The following CELF2 variants were observed in gnomAD, a reference collection of about 807,000 sequenced individuals.
CELF2 encodes CUGBP Elav-like family member 2.
In CELF2, 8 loss-of-function variants were observed where a neutral mutation model predicts 62.6. The ratio of observed to expected loss-of-function variants is 0.13; its 90% CI spans 0.07 to 0.23. The LOEUF (loss-of-function observed/expected upper bound fraction) is 0.23. Among genes scored for constraint, CELF2 ranks in the 10% least tolerant of loss-of-function variants. The pLI, the probability that CELF2 is intolerant of heterozygous loss-of-function variation, is 1.00. For synonymous variants in CELF2, 258 were observed against 250.0 expected (o/e 1.03, Z -0.30); for missense variants, 333 against 671.0 (o/e 0.50, Z 5.56).
In CELF2 at chr10:11,282,043, A is replaced by G. The variant is rs377339095; in HGVS notation, c.842-6375A>G. On this transcript the variant is annotated intron_variant, in intron 8 of 12. Coordinates refer to ENST00000633077, the MANE Select transcript of CELF2 (RefSeq NM_001326342.2). ...TGGTGGGGCGAGCAAGGCCACTCCCAGTGGATATGGGGACCTGGGGGGTAG... is the reference window on the plus strand; with the variant it reads ...TGGTGGGGCGAGCAAGGCCACTCCCGGTGGATATGGGGACCTGGGGGGTAG... 1.5e-3 allele frequency among the ~76,000 whole-genome samples: 226 copies of G among 152,264 alleles called. 6 individuals are homozygous for G. In the South Asian group the frequency reaches 0.045, roughly 30 times the overall value.
chr10:10,955,172 T>A (rs867365635), intron 2 of CELF2, among the ~76,000 whole-genome samples: 10 of 152,234 alleles, frequency 6.6e-5, no homozygotes, highest in African/African-American at 1.9e-4. Flanking sequence ...ATGTTATTGA[T>A]GAGAAAACAA....
At chr10:10,977,539 A>G (rs1162569907) in intron 2 of CELF2, among the ~76,000 whole-genome samples, 1 of 152,216 alleles carries the variant, frequency 6.6e-6, no homozygotes, top group African/African-American at 2.4e-5. Flanking sequence ...TCCTGGTGTG[A>G]AATGTACAAA....
the CELF2 span, among the ~76,000 whole-genome samples, chr10:10,622,462 G>GTT: frequency 0.019 from 2,874 of 149,086 alleles, 83 homozygotes; most frequent in African/African-American, 0.068. Flanking sequence ...ACATACATAC[G>GTT]TATGTGTGTG....
At position 11,311,775 on chromosome 10, in the gene CELF2, C is replaced by T. The variant is rs74618376; in HGVS notation, c.977-2364C>T. On this transcript the variant is annotated intron_variant, in intron 9 of 12. Coordinates refer to ENST00000633077, the MANE Select transcript of CELF2 (RefSeq NM_001326342.2). The surrounding 1 kb of genome is among the most constrained non-coding windows in gnomAD (Gnocchi z 4.7). ...ACAGATTTTGGAGATGATGCCCAAC[C>T]GAGAAACAGAATATGAGAGGTGAAG... Among the ~76,000 whole-genome samples the T allele has an allele frequency of 2.0e-5, 3 of 151,720 alleles. No individual in the cohort carries two copies. The highest frequency in any genetic ancestry group is 1.9e-4 in the East Asian group (1 of 5,158).
chr10:10,651,735 A>G, the CELF2 span, among the ~76,000 whole-genome samples: 84 of 152,004 alleles, frequency 5.5e-4, no homozygotes, highest in East Asian at 7.7e-4. Flanking sequence ...CACCATCATC[A>G]AAGACCAAAA....
In CELF2 at chr10:10,888,443, G is replaced by A. The variant is rs1001684399; in HGVS notation, c.54-31521G>A. Among the ~76,000 whole-genome samples, 65 of 152,178 alleles carry A rather than the reference G, an allele frequency of 4.3e-4. 1 individual carries two copies. The highest frequency in any genetic ancestry group is 1.4e-3 in the African/African-American group (60 of 41,418). On this transcript the variant is annotated intron_variant, in intron 1 of 13. Coordinates refer to the CELF2 transcript ENST00000636488. The stretch of plus-strand genomic sequence containing the variant: ...AGCTAAAAATTGCCATGTGATTATC[G>A]TGCAGTATTGAATTATAAGGACCAG...
the CELF2 span, among the ~76,000 whole-genome samples, chr10:10,582,953 G>C: frequency 6.6e-6 from 1 of 152,188 alleles, no homozygotes; most frequent in Non-Finnish European, 1.5e-5. Flanking sequence ...AAAACATTCA[G>C]TCTTGGACTT....
At chr10:10,639,053 T>C in the CELF2 span, among the ~76,000 whole-genome samples, 1 of 152,226 alleles carries the variant, frequency 6.6e-6, no homozygotes, top group African/African-American at 2.4e-5. Flanking sequence ...TTGTTGGTTT[T>C]GTTCTTTGTT....
At chr10:10,635,930 C>T in the CELF2 span, among the ~76,000 whole-genome samples, 2 of 152,186 alleles carry the variant, frequency 1.3e-5, no homozygotes, top group Non-Finnish European at 1.5e-5. Flanking sequence ...TAAAGAATGC[C>T]TGTTACCCAT....
Position 11,011,296 on chromosome 10 carries a change from C to T in CELF2, c.53+5856C>T, listed in dbSNP as rs1162453144. Among the ~76,000 whole-genome samples the T allele has an allele frequency of 6.6e-6, 1 of 151,754 alleles. No individual in the cohort carries two copies. The highest frequency in any genetic ancestry group is 2.4e-5 in the African/African-American group (1 of 41,270). ...GAAAGACATAGTCTGGGGCCTCAAGCAACTCACAGCACTCATGGAACAAAG... is the reference window on the plus strand; with the variant it reads ...GAAAGACATAGTCTGGGGCCTCAAGTAACTCACAGCACTCATGGAACAAAG... On this transcript the variant is annotated intron_variant, in intron 1 of 12. Coordinates refer to the CELF2 transcript ENST00000416382. This position sits in a 1 kb window ranked among gnomAD's most constrained non-coding sequence, Gnocchi z 4.6.
Position 11,178,347 on chromosome 10 carries a change from C to A in CELF2, c.271+12665C>A, listed in dbSNP as rs1380470859. On this transcript the variant is annotated intron_variant, in intron 2 of 12. Transcript: ENST00000633077. The surrounding 1 kb of genome is among the most constrained non-coding windows in gnomAD (Gnocchi z 4.3). ...TCTTAGCTGTTCTGCAAGTCCAGCA[C>A]AGGGTGTATTCAGCTCTAGAGGTGG... Among the ~76,000 whole-genome samples, 3 of 152,186 alleles carry A rather than the reference C, an allele frequency of 2.0e-5. No homozygotes were observed. Among genetic ancestry groups the A allele is most frequent in the Non-Finnish European group, 4.4e-5 (3 of 68,036 alleles).
intron 9 of CELF2, among the ~76,000 whole-genome samples, chr10:11,310,204 G>A (rs1384199257): frequency 7.2e-5 from 11 of 152,236 alleles, no homozygotes; most frequent in Admixed American, 7.2e-4. Flanking sequence ...AGAGTTGGCA[G>A]GGGTGGGAGC....
Position 11,177,444 on chromosome 10 carries a change from T to C in CELF2, c.271+11762T>C, listed in dbSNP as rs1462830890. On this transcript the variant is annotated intron_variant, in intron 2 of 12. Coordinates refer to ENST00000633077, the MANE Select transcript of CELF2 (RefSeq NM_001326342.2). The surrounding 1 kb of genome is among the most constrained non-coding windows in gnomAD (Gnocchi z 4.8). ...ATTAAAAAAAAAAAAAAGAGAAAAT[T>C]AGGTTATTAAAAGGAGGATATGAAC... Among the ~76,000 whole-genome samples the C allele has an allele frequency of 1.3e-5, 2 of 151,518 alleles. No homozygotes were observed. The highest frequency in any genetic ancestry group is 2.9e-5 in the Non-Finnish European group (2 of 67,948).
chr10:10,633,781 AG>A, the CELF2 span, among the ~76,000 whole-genome samples: 1 of 151,998 alleles, frequency 6.6e-6, no homozygotes, highest in Non-Finnish European at 1.5e-5. Context: ...TCCTGTAATG[AG>A]TGAGGTACTG....
chr10:10,682,747 G>T, the CELF2 span, among the ~76,000 whole-genome samples: 1 of 152,066 alleles, frequency 6.6e-6, no homozygotes, highest in Non-Finnish European at 1.5e-5. Flanking sequence ...AGCATTCCTG[G>T]ATGACTGTTT....
At chr10:10,472,649 A>G in the CELF2 span, among the ~76,000 whole-genome samples, 1 of 151,844 alleles carries the variant, frequency 6.6e-6, no homozygotes, top group African/African-American at 2.4e-5. Context: ...TAAACTAGAC[A>G]TTGAAGGTAA....
In CELF2 at chr10:11,311,922, A is replaced by G. The variant is rs1051516531; in HGVS notation, c.977-2217A>G. Among the ~76,000 whole-genome samples, 2 of 152,260 alleles carry G rather than the reference A, an allele frequency of 1.3e-5. No individual in the cohort carries two copies. Among genetic ancestry groups the G allele is most frequent in the Non-Finnish European group, 2.9e-5 (2 of 68,044 alleles). On this transcript the variant is annotated intron_variant, in intron 9 of 12. Transcript: ENST00000633077. This position sits in a 1 kb window ranked among gnomAD's most constrained non-coding sequence, Gnocchi z 4.7. ...GAACTTTTCAGAACTGATAAAAGGT[A>G]GAAACAAAAATCCACATATTCAGGG...
At chr10:10,944,760 C>T (rs1218945337) in intron 2 of CELF2, among the ~76,000 whole-genome samples, 1 of 152,084 alleles carries the variant, frequency 6.6e-6, no homozygotes, top group Non-Finnish European at 1.5e-5. Context: ...CACCACCACA[C>T]CCAGCTATTT....
At chr10:10,875,697 A>G (rs911014741) in intron 1 of CELF2, among the ~76,000 whole-genome samples, 6 of 150,548 alleles carry the variant, frequency 4.0e-5, no homozygotes, top group African/African-American at 1.5e-4. Flanking sequence ...CCTAGAAAAG[A>G]ATCTGCATTT....
Sources: allele counts gnomAD v4.1 joint callset (sites outside exome capture counted in the v4.1 genomes callset), GRCh38; gene constraint gnomAD v4.1.1; non-coding constraint Gnocchi (gnomAD v3.1); transcripts MANE v1.5; gene names NCBI Gene and HGNC (gene_info 2026-07-23, HGNC 2026-07-21).